ZFAT: variants seen among roughly 807,000 people sequenced by gnomAD.
ZFAT encodes zinc finger and AT-hook domain containing, also known as zinc finger protein ZFAT.
In ZFAT, 64 loss-of-function variants were observed where a neutral mutation model predicts 117.7. The observed-to-expected ratio is 0.54, with a 90% CI of 0.44 to 0.67. The LOEUF is 0.67. Among genes scored for constraint, ZFAT ranks in the 30% least tolerant of loss-of-function variants. The pLI, the probability that ZFAT is intolerant of heterozygous loss-of-function variation, is 0.00. For missense variants in ZFAT, 1,433 were observed against 1,584.5 expected, an observed-to-expected ratio of 0.90 and a Z score of 1.62; for synonymous variants, 679 against 615.0, an observed-to-expected ratio of 1.10 and a Z score of -1.54.
intron 11 of ZFAT, among the ~76,000 whole-genome samples, chr8:134,549,442 G>GAAAAAAA (rs34384490): frequency 8.4e-6 from 1 of 119,408 alleles, no homozygotes; most frequent in Non-Finnish European, 1.7e-5. Flanking sequence ...CTCCGTCTCA[G>GAAAAAAA]AAAAAAAAAA....
the ZFAT span, among the ~76,000 whole-genome samples, chr8:134,763,751 C>A: frequency 6.6e-6 from 1 of 152,202 alleles, no homozygotes; most frequent in Non-Finnish European, 1.5e-5. Context: ...TTTGCCGCAA[C>A]TATCCGAGTC....
chr8:134,513,198 T>C (rs754964575), intron 13 of ZFAT, among the ~76,000 whole-genome samples: 9 of 54,734 alleles, frequency 1.6e-4, no homozygotes, highest in Non-Finnish European at 3.0e-4. Context: ...CTATTTGTGC[T>C]TTTTTTTTTT....
chr8:134,712,752 C>G (rs1814066585), intron 1 of ZFAT, 93 bp downstream of exon 1: 1 of 1,335,122 alleles, frequency 7.5e-7, no homozygotes, highest in Non-Finnish European at 9.9e-7. Flanking sequence ...GGCCGGCGCA[C>G]TGCTTCCCGA....
At chr8:134,832,107 G>T in the ZFAT span, among the ~76,000 whole-genome samples, 1 of 149,638 alleles carries the variant, frequency 6.7e-6, no homozygotes, top group Non-Finnish European at 1.5e-5. Context: ...AGGGCGCGGG[G>T]ACGCGCCAGC....
the ZFAT span, among the ~76,000 whole-genome samples, chr8:134,718,323 C>A: frequency 9.9e-5 from 15 of 151,900 alleles, no homozygotes. Context: ...ATGATGAAGC[C>A]CCAACTCTAC....
At chr8:134,516,517 T>C (rs543079882) in intron 13 of ZFAT, among the ~76,000 whole-genome samples, 30 of 152,272 alleles carry the variant, frequency 2.0e-4, no homozygotes, top group Non-Finnish European at 3.7e-4. Context: ...GGGTTTTGTT[T>C]TGTTCTGTTT....
chr8:134,490,276 G>A (rs982027046), intron 15 of ZFAT, among the ~76,000 whole-genome samples: 78 of 152,340 alleles, frequency 5.1e-4, no homozygotes, highest in Non-Finnish European at 7.3e-4. Flanking sequence ...AATGGTGAGC[G>A]TGGTCACTGT....
chr8:134,606,444 G>A (rs1827893096), intron 5 of ZFAT, among the ~76,000 whole-genome samples: 1 of 152,234 alleles, frequency 6.6e-6, no homozygotes, highest in Non-Finnish European at 1.5e-5. Context: ...GCCGGGCACA[G>A]TGGCTCACGC....
At chr8:134,760,051 C>T in the ZFAT span, among the ~76,000 whole-genome samples, 6 of 148,270 alleles carry the variant, frequency 4.0e-5, no homozygotes, top group Non-Finnish European at 5.9e-5. Context: ...GAGGCCAAGG[C>T]GGGCGGATCA....
chr8:134,645,808 A>G (rs1830854219), intron 2 of ZFAT, among the ~76,000 whole-genome samples: 1 of 152,244 alleles, frequency 6.6e-6, no homozygotes, highest in Non-Finnish European at 1.5e-5. Context: ...TATACCGAAC[A>G]TGCCACCCAG....
chr8:134,630,724 CTT>C (rs1433943129), intron 3 of ZFAT, among the ~76,000 whole-genome samples: 1 of 152,162 alleles, frequency 6.6e-6, no homozygotes, highest in Non-Finnish European at 1.5e-5. Flanking sequence ...AAAAAAATCT[CTT>C]TTCCTGGTTT....
chr8:134,540,889 T>C (rs1385419783), intron 11 of ZFAT, among the ~76,000 whole-genome samples: 2 of 152,226 alleles, frequency 1.3e-5, no homozygotes, highest in African/African-American at 4.8e-5. Context: ...TATTTGTTCA[T>C]CTTGATTTTG....
At chr8:134,740,380 G>A in the ZFAT span, among the ~76,000 whole-genome samples, 18 of 152,208 alleles carry the variant, frequency 1.2e-4, no homozygotes, top group African/African-American at 3.4e-4. Flanking sequence ...TACCCACAGC[G>A]TGGTCCTGGA....
At chr8:134,546,582 G>C (rs1489649677) in intron 11 of ZFAT, among the ~76,000 whole-genome samples, 1 of 152,200 alleles carries the variant, frequency 6.6e-6, no homozygotes, top group Non-Finnish European at 1.5e-5. Context: ...AAAGGATGAA[G>C]TGATAGCTTC....
chr8:134,533,267 G>C (rs934141928), intron 11 of ZFAT, among the ~76,000 whole-genome samples: 8 of 152,046 alleles, frequency 5.3e-5, no homozygotes, highest in Admixed American at 2.0e-4. Context: ...TTTTGTTCAA[G>C]AAGAAGACAA....
At chr8:134,570,289 A>G (rs1824796087) in intron 10 of ZFAT, among the ~76,000 whole-genome samples, 1 of 151,920 alleles carries the variant, frequency 6.6e-6, no homozygotes, top group Admixed American at 6.6e-5. Context: ...CATTTTTAGC[A>G]TTTCTCAGCC....
intron 11 of ZFAT, among the ~76,000 whole-genome samples, chr8:134,553,889 T>C (rs1300171353): frequency 2.0e-5 from 3 of 152,186 alleles, no homozygotes; most frequent in Admixed American, 6.5e-5. Flanking sequence ...AGTCTGACTG[T>C]AGAGCCACAA....
upstream of ZFAT, chr8:134,713,076 C>T (rs953181451): frequency 4.1e-6 from 2 of 490,006 alleles, no homozygotes; most frequent in Non-Finnish European, 6.6e-6. Context: ...GCCTGCGTAG[C>T]GGACGTCCGC....
intron 11 of ZFAT, among the ~76,000 whole-genome samples, chr8:134,536,857 T>C (rs1821881844): frequency 6.6e-6 from 1 of 152,090 alleles, no homozygotes; most frequent in African/African-American, 2.4e-5. Context: ...ACACTAGATC[T>C]CAAAAGGGAA....
Sources: allele counts gnomAD v4.1 joint callset (sites outside exome capture counted in the v4.1 genomes callset), GRCh38; gene constraint gnomAD v4.1.1; transcripts MANE v1.5; gene names NCBI Gene and HGNC (gene_info 2026-07-23, HGNC 2026-07-21).